SNRPB2: variants seen among roughly 807,000 people sequenced by gnomAD.
SNRPB2 encodes the protein U2 small nuclear ribonucleoprotein B''.
Under a neutral mutation model 26.3 loss-of-function variants are expected in SNRPB2, and 16 were observed. The observed-to-expected ratio is 0.61, with a 90% CI of 0.41 to 0.92. The LOEUF (loss-of-function observed/expected upper bound fraction) is 0.92, where lower values mean the gene tolerates loss of function less well. Among genes scored for constraint, SNRPB2 ranks in the 40% least tolerant of loss-of-function variants. The probability of loss-of-function intolerance (pLI) is 0.00; values close to 1 mark genes in which losing one functional copy is unlikely to be tolerated. For missense variants in SNRPB2, 179 were observed against 268.1 expected, an observed-to-expected ratio of 0.67 and a Z score of 2.32; for synonymous variants, 75 against 89.0, an observed-to-expected ratio of 0.84 and a Z score of 0.88.
intron 3 of SNRPB2, among the ~76,000 whole-genome samples, chr20:16,734,102 T>C (rs968347010): frequency 6.6e-6 from 1 of 152,250 alleles, no homozygotes; most frequent in Non-Finnish European, 1.5e-5. Context: ...CAAGTTTGCA[T>C]GTGTCTGTTA....
intron 3 of SNRPB2, among the ~76,000 whole-genome samples, chr20:16,734,721 G>T (rs773308410): frequency 8.5e-5 from 13 of 152,292 alleles, no homozygotes; most frequent in Non-Finnish European, 1.6e-4. Flanking sequence ...GCATAACAAC[G>T]AGTAATGTCT....
chr20:16,739,396 T>A (rs549543045), intron 5 of SNRPB2, among the ~76,000 whole-genome samples: 1 of 152,278 alleles, frequency 6.6e-6, no homozygotes, highest in South Asian at 2.1e-4. Flanking sequence ...TACAAATGTT[T>A]TAGAAACTCC....
At chr20:16,740,721 A>G (rs908853692) in intron 6 of SNRPB2, 125 bp from the exon 7 acceptor site, 7 of 744,856 alleles carry the variant, frequency 9.4e-6, no homozygotes, top group Non-Finnish European at 2.1e-6. Flanking sequence ...CCGTCTACTC[A>G]GTATTCTTGG....
Position 16,740,343 on chromosome 20 carries a change from A to G in SNRPB2, c.448A>G (p.Asn150Asp). 1.9e-6 allele frequency: 3 copies of G among 1,611,312 alleles called. No individual in the cohort carries two copies. Among genetic ancestry groups the G allele is most frequent in the South Asian group, 1.1e-5 (1 of 90,996 alleles). Residue 150 changes from asparagine (N) to aspartate (D), a missense_variant, in exon 6 of 7, where the codon AAC becomes GAC. By Grantham distance (23) the Asn-to-Asp change is conservative. Around this residue, in one of 2 missense-constraint regions of SNRPB2, gnomAD observed 145 missense variants for 180.7 expected, o/e 0.80. Transcript: ENST00000246071. ...PNPQVPDYPP[N>D]YILFLNNLPE... ...TTAATAGGTCCCTGATTACCCTCCA[A>G]ACTATATTTTATTCCTTAATAACTT...
chr20:16,740,700 A>G, intron 6 of SNRPB2, 146 bp from the exon 7 acceptor site: 2 of 687,576 alleles, frequency 2.9e-6, no homozygotes, highest in Non-Finnish European at 4.7e-6. Context: ...TTAATTACAC[A>G]TGAGGCTCTT....
intron 4 of SNRPB2, among the ~76,000 whole-genome samples, chr20:16,738,443 C>CAAA (rs11292422): frequency 1.3e-5 from 1 of 79,006 alleles, no homozygotes; most frequent in African/African-American, 4.3e-5. Context: ...GACTCCATCT[C>CAAA]AAAAAAAAAA....
chr20:16,732,517 G>A, intron 3 of SNRPB2, 181 bp downstream of exon 3: 2 of 426,612 alleles, frequency 4.7e-6, no homozygotes, highest in South Asian at 6.2e-5. Flanking sequence ...AGTTCAGATG[G>A]GCAAAAACAA....
At chr20:16,732,743 C>T (rs537709897) in intron 3 of SNRPB2, among the ~76,000 whole-genome samples, 3 of 152,240 alleles carry the variant, frequency 2.0e-5, no homozygotes, top group South Asian at 4.1e-4. Flanking sequence ...TCAGAAGCTG[C>T]ACAGTCTAGA....
rs2072392547 is a variant in SNRPB2 at position 16,731,734 on chromosome 20, T to C, written c.32T>C (p.Ile11Thr). The change falls in exon 2 of 7, where the codon ATC becomes ACC. Residue 11 changes from isoleucine to threonine, a missense_variant. Ile to Thr is a moderately conservative substitution (Grantham distance 89, BLOSUM62 -1). This residue lies in a region of SNRPB2 where 145 missense variants were observed against 180.7 expected (regional missense o/e 0.80). Coordinates refer to ENST00000246071, the MANE Select transcript of SNRPB2 (RefSeq NM_003092.5). MDIRPNHTIY[I>T]NNMNDKIKKE... Reference sequence around the variant, plus strand: ...ATCAGACCAAATCATACAATTTATATCAACAATATGAATGACAAAATTAAA... The same window carrying C: ...ATCAGACCAAATCATACAATTTATACCAACAATATGAATGACAAAATTAAA... 6.2e-7 allele frequency: 1 copy of C among 1,612,510 alleles called. No individual in the cohort carries two copies. Among genetic ancestry groups the C allele is most frequent in the Non-Finnish European group, 8.5e-7 (1 of 1,178,976 alleles).
chr20:16,740,706 C>A, intron 6 of SNRPB2, 140 bp from the exon 7 acceptor site: 1 of 690,532 alleles, frequency 1.4e-6, no homozygotes, highest in Non-Finnish European at 2.4e-6. Flanking sequence ...ACACATGAGG[C>A]TCTTCCGTCT....
At chr20:16,733,771 T>C (rs2072408184) in intron 3 of SNRPB2, among the ~76,000 whole-genome samples, 1 of 152,188 alleles carries the variant, frequency 6.6e-6, no homozygotes, top group African/African-American at 2.4e-5. Flanking sequence ...GCACCTTTTT[T>C]TCTGTTATTA....
In SNRPB2 at chr20:16,733,404, C is replaced by A. The variant is rs527479195; in HGVS notation, c.237+1068C>A. 5.3e-5 allele frequency among the ~76,000 whole-genome samples: 8 copies of A among 152,332 alleles called. No homozygotes were observed. The East Asian group carries it at 1.2e-3, about 22-fold the overall frequency. ...CTGTGGGCAGGGTTTGGCTCACAGA[C>A]TGTGGTACAGACCGCTGATCTAACC... On this transcript the variant is annotated intron_variant, in intron 3 of 6. Transcript: ENST00000246071.
chr20:16,732,300 A>G lies in SNRPB2; in HGVS notation c.201A>G (p.Arg67=), dbSNP rs1290746929. ...KELGSSTNAL[R]QLQGFPFYGK... ...TGGGCTCATCCACAAATGCCTTGAG[A>G]CAGCTACAAGGATTTCCATTTTATG... Residue 67 remains arginine (R), a synonymous_variant, in exon 3 of 7, where the codon AGA becomes AGG. Transcript: ENST00000246071. 24 of 1,597,308 alleles carry G rather than the reference A, an allele frequency of 1.5e-5. No individual in the cohort carries two copies. The highest frequency in any genetic ancestry group is 2.0e-5 in the Non-Finnish European group (23 of 1,172,970).
chr20:16,732,121 T>C, intron 2 of SNRPB2, 43 bp from the exon 3 acceptor site: 1 of 1,240,426 alleles, frequency 8.1e-7, no homozygotes, highest in Non-Finnish European at 1.1e-6. Flanking sequence ...ACTTTTGTCA[T>C]TACTTTATTA....
At chr20:16,736,169 C>T (rs921945386) in intron 3 of SNRPB2, among the ~76,000 whole-genome samples, 3 of 152,104 alleles carry the variant, frequency 2.0e-5, no homozygotes, top group African/African-American at 7.2e-5. Flanking sequence ...TTAAAAGCAA[C>T]GGCATAGATG....
At chr20:16,731,958 GT>G (rs1301334306) in intron 2 of SNRPB2, among the ~76,000 whole-genome samples, 192 bp downstream of exon 2, 1 of 152,072 alleles carries the variant, frequency 6.6e-6, no homozygotes, top group Non-Finnish European at 1.5e-5. Context: ...TGTACAGTCT[GT>G]TTCTACTCAT....
In SNRPB2 at chr20:16,740,882, G is replaced by A. The variant is rs200140197; in HGVS notation, c.555G>A (p.Gly185=). ...TCAAGGAAGTACGTCTGGTACCAGGGAGGCATGACATTGCTTTTGTTGAAT... is the reference window on the plus strand; with the variant it reads ...TCAAGGAAGTACGTCTGGTACCAGGAAGGCATGACATTGCTTTTGTTGAAT... ...PGFKEVRLVP[G]RHDIAFVEFE... is the part of the protein sequence containing the mutation. Residue 185 remains glycine (G), a synonymous_variant, in exon 7 of 7, where the codon GGG becomes GGA. Coordinates refer to ENST00000246071, the MANE Select transcript of SNRPB2 (RefSeq NM_003092.5). 2 of 1,612,618 alleles carry A rather than the reference G, an allele frequency of 1.2e-6. No individual in the cohort carries two copies. Among genetic ancestry groups the A allele is most frequent in the African/African-American group, 1.3e-5 (1 of 74,998 alleles).
chr20:16,732,055 T>A, intron 2 of SNRPB2, 109 bp from the exon 3 acceptor site: 1 of 690,118 alleles, frequency 1.4e-6, no homozygotes, highest in Non-Finnish European at 2.4e-6. Context: ...AATATATAAC[T>A]GTATAAATAA....
intron 4 of SNRPB2, 141 bp from the exon 5 acceptor site, chr20:16,738,711 T>A: frequency 1.5e-6 from 1 of 663,424 alleles, no homozygotes; most frequent in Non-Finnish European, 2.7e-6. Flanking sequence ...AAGATATAAA[T>A]TCTTAAAGTA....
Sources: gnomAD v4.1 joint callset for allele counts (sites outside exome capture counted in the v4.1 genomes callset) on GRCh38, gnomAD v4.1.1 for gene constraint, gnomAD v4.1.1 regional missense constraint, MANE v1.5 for transcripts, NCBI Gene and HGNC (gene_info 2026-07-23, HGNC 2026-07-21) for gene names.